The following ENPP6 variants were observed in gnomAD, a reference collection of about 807,000 sequenced individuals.
ENPP6 encodes ectonucleotide pyrophosphatase/phosphodiesterase 6, also known as glycerophosphocholine cholinephosphodiesterase ENPP6.
In ENPP6, 32 loss-of-function variants were observed where a neutral mutation model predicts 42.0. The ratio of observed to expected loss-of-function variants is 0.76; its 90% CI spans 0.58 to 1.02. ENPP6 has a LOEUF of 1.02. Ranked by LOEUF, ENPP6 falls within the 50% of genes least tolerant of loss-of-function variation. The pLI is 0.00. For synonymous variants in ENPP6, 213 were observed against 216.0 expected (o/e 0.99, Z 0.12); for missense variants, 552 against 566.8 (o/e 0.97, Z 0.27).
At chr4:184,101,908 C>G (rs186351921) in intron 6 of ENPP6, among the ~76,000 whole-genome samples, 1 of 152,194 alleles carries the variant, frequency 6.6e-6, no homozygotes, top group Non-Finnish European at 1.5e-5. Context: ...CCAGGACGCG[C>G]GGTGAGAAGC....
intron 6 of ENPP6, among the ~76,000 whole-genome samples, chr4:184,111,332 A>C (rs1227378434): frequency 6.6e-6 from 1 of 152,270 alleles, no homozygotes. Context: ...AACTGAAAAA[A>C]GTTCAAACAG....
chr4:184,186,015 A>C (rs1167003042), intron 1 of ENPP6, among the ~76,000 whole-genome samples: 1 of 152,234 alleles, frequency 6.6e-6, no homozygotes, highest in Non-Finnish European at 1.5e-5. Context: ...GTCAGGTGTT[A>C]GCAATTTACC....
intron 1 of ENPP6, among the ~76,000 whole-genome samples, chr4:184,171,768 G>A (rs1219561539): frequency 6.7e-6 from 1 of 149,172 alleles, no homozygotes; most frequent in East Asian, 2.0e-4. Context: ...CACATAATTT[G>A]TTAGTTACAA....
chr4:184,110,838 T>C (rs767402263), intron 6 of ENPP6, among the ~76,000 whole-genome samples: 7 of 152,200 alleles, frequency 4.6e-5, no homozygotes, highest in Admixed American at 1.3e-4. Flanking sequence ...TGGGCTGTGA[T>C]TTATGACCAA....
At chr4:184,186,618 G>A (rs1732637936) in intron 1 of ENPP6, among the ~76,000 whole-genome samples, 1 of 152,190 alleles carries the variant, frequency 6.6e-6, no homozygotes. Context: ...TTTCTAGGAG[G>A]CAGGAATGGT....
Position 184,113,903 on chromosome 4 carries a change from C to CTTTCTTTCTTTCT in ENPP6, c.856-1107_856-1095dup, listed in dbSNP as rs1467956257. ...TCTTTTTCCTTCCTTTCTTTCTTTTCTTTCTTTCTTTCTTTCTTTCTTTCT... is the reference window on the plus strand; with the variant it reads ...TCTTTTTCCTTCCTTTCTTTCTTTTCTTTCTTTCTTTCTTTTCTTTCTTTCTTTCTTTCTTTCT... On this transcript the variant is annotated intron_variant, in intron 5 of 7. Coordinates refer to ENST00000296741, the MANE Select transcript of ENPP6 (RefSeq NM_153343.4). Among the ~76,000 whole-genome samples, 32 of 60,940 alleles carry CTTTCTTTCTTTCT rather than the reference C, an allele frequency of 5.3e-4. 1 individual carries two copies. Among genetic ancestry groups the CTTTCTTTCTTTCT allele is most frequent in the African/African-American group, 8.7e-4 (14 of 16,092 alleles). The allele number at this position is 60,940 out of a possible 152,430, so 40.0% of individuals were successfully genotyped here.
chr4:184,175,584 A>G (rs912430711), intron 1 of ENPP6, among the ~76,000 whole-genome samples: 1 of 152,168 alleles, frequency 6.6e-6, no homozygotes, highest in Admixed American at 6.5e-5. Context: ...ATCACTAGGC[A>G]CAGAAATCTA....
intron 1 of ENPP6, among the ~76,000 whole-genome samples, chr4:184,188,025 G>A (rs150368618): frequency 6.6e-6 from 1 of 152,286 alleles, no homozygotes; most frequent in African/African-American, 2.4e-5. Context: ...ATTAAAATAA[G>A]GTTTATGACT....
intron 2 of ENPP6, among the ~76,000 whole-genome samples, chr4:184,131,793 T>C (rs1468366270): frequency 1.1e-5 from 1 of 91,980 alleles, no homozygotes; most frequent in African/African-American, 4.4e-5. Context: ...CAAGGACCAA[T>C]AGAACACACA....
intron 2 of ENPP6, among the ~76,000 whole-genome samples, chr4:184,139,029 C>T (rs1254722270): frequency 3.3e-5 from 5 of 152,228 alleles, no homozygotes; most frequent in Non-Finnish European, 5.9e-5. Flanking sequence ...GTCCTGCAGA[C>T]ACCGTTCATT....
At chr4:184,164,584 C>T (rs377306552) in intron 1 of ENPP6, among the ~76,000 whole-genome samples, 1 of 152,234 alleles carries the variant, frequency 6.6e-6, no homozygotes, top group African/African-American at 2.4e-5. Context: ...GCTAAAGAAC[C>T]AAGGAATTTT....
At chr4:184,143,976 G>C (rs1007361297) in intron 2 of ENPP6, among the ~76,000 whole-genome samples, 1 of 152,226 alleles carries the variant, frequency 6.6e-6, no homozygotes, top group Non-Finnish European at 1.5e-5. Context: ...CCACCACAGC[G>C]AAGTCCCTCT....
intron 1 of ENPP6, among the ~76,000 whole-genome samples, chr4:184,194,146 C>T (rs1020820599): frequency 5.9e-5 from 9 of 152,188 alleles, no homozygotes; most frequent in African/African-American, 1.9e-4. Context: ...CAGATGATTT[C>T]CCACTCCTCG....
At chr4:184,165,010 C>T (rs1377918411) in intron 1 of ENPP6, among the ~76,000 whole-genome samples, 1 of 152,192 alleles carries the variant, frequency 6.6e-6, no homozygotes. Flanking sequence ...CACTTGCTAT[C>T]ATGCACTCTG....
intron 1 of ENPP6, among the ~76,000 whole-genome samples, chr4:184,187,038 G>C (rs778761710): frequency 1.1e-4 from 17 of 152,214 alleles, no homozygotes; most frequent in Non-Finnish European, 2.5e-4. Context: ...TAAGAGAAAT[G>C]TGTTAAGAAA....
intron 1 of ENPP6, among the ~76,000 whole-genome samples, chr4:184,175,683 T>G (rs1414674906): frequency 6.6e-6 from 1 of 152,196 alleles, no homozygotes; most frequent in Non-Finnish European, 1.5e-5. Context: ...GAGATCTTGT[T>G]CTGGAGTATT....
At chr4:184,163,273 A>C (rs1882334) in intron 1 of ENPP6, among the ~76,000 whole-genome samples, 148,030 of 152,196 alleles carry the variant, frequency 0.97, 72,127 homozygotes, top group East Asian at 1. Context: ...CTAGTCTAAT[A>C]CCCTCCCTGC....
At chr4:184,177,383 G>A (rs1737581830) in intron 1 of ENPP6, among the ~76,000 whole-genome samples, 1 of 152,206 alleles carries the variant, frequency 6.6e-6, no homozygotes, top group African/African-American at 2.4e-5. Flanking sequence ...GGAGCCCCTA[G>A]GGCATGGAGT....
chr4:184,117,739 G>T lies in ENPP6; in HGVS notation c.675+20C>A, dbSNP rs746548467. 11 of 1,611,272 alleles carry T rather than the reference G, an allele frequency of 6.8e-6. No homozygotes were observed. Among genetic ancestry groups the T allele is most frequent in the South Asian group, 1.1e-5 (1 of 90,998 alleles). On this transcript the variant is annotated intron_variant, in intron 4 of 7. Coordinates refer to ENST00000296741, the MANE Select transcript of ENPP6 (RefSeq NM_153343.4). ...GGTGACAGAGAGAAGGCCAGGCCAC[G>T]TGTCTTTGCTTCAGGTCACCTGGAT...
Sources: gnomAD v4.1 joint callset for allele counts (sites outside exome capture counted in the v4.1 genomes callset) on GRCh38, gnomAD v4.1.1 for gene constraint, MANE v1.5 for transcripts, NCBI Gene and HGNC (gene_info 2026-07-23, HGNC 2026-07-21) for gene names.